PREPL: variants seen among roughly 807,000 people sequenced by gnomAD.
The protein encoded by PREPL is prolyl endopeptidase-like.
A neutral mutation model predicts 70.6 loss-of-function variants in PREPL; 77 were observed. The observed-to-expected ratio is 1.09, with a 90% CI of 0.91 to 1.32. PREPL has a LOEUF of 1.32. PREPL is among the 40% of genes most tolerant of loss of function. PREPL has a pLI of 0.00. For missense variants in PREPL, 1,002 were observed against 778.2 expected (o/e 1.29, Z -3.42); for synonymous variants, 315 against 264.8 (o/e 1.19, Z -1.84).
intron 9 of PREPL, among the ~76,000 whole-genome samples, chr2:44,328,431 T>C (rs1284665579): frequency 1.7e-5 from 1 of 57,744 alleles, no homozygotes; most frequent in Non-Finnish European, 3.4e-5. Context: ...AGCAAAACTG[T>C]CTCAAACAAA....
rs1159855459 is a variant in PREPL, at chr2:44,318,880, A to T, written c.*2476T>A. The stretch of plus-strand genomic sequence containing the variant: ...ATTCCACCAAAAATCATGACTACGC[A>T]TCTAACAGCTTCAAAATATAGAAAA... On this transcript the variant is annotated 3_prime_UTR_variant, in exon 14 of 14. Transcript: ENST00000409411. 1 of 152,216 alleles carries T rather than the reference A, an allele frequency of 6.6e-6. No homozygotes were observed. The highest frequency in any genetic ancestry group is 1.5e-5 in the Non-Finnish European group (1 of 68,042). The allele number at this position is 152,216 out of a possible 1,614,324, so 9.4% of individuals were successfully genotyped here.
intron 1 of PREPL, among the ~76,000 whole-genome samples, chr2:44,356,755 C>G (rs1225081185): frequency 6.6e-6 from 1 of 152,066 alleles, no homozygotes; most frequent in African/African-American, 2.4e-5. Flanking sequence ...GGTATAGAAT[C>G]ATGAAATTTT....
chr2:44,328,942 A>G lies in PREPL; in HGVS notation c.1257T>C (p.His419=), dbSNP rs1217597575. The G allele has an allele frequency of 6.2e-7, 1 of 1,611,774 alleles. No homozygotes were observed. Among genetic ancestry groups the G allele is most frequent in the Non-Finnish European group, 8.5e-7 (1 of 1,179,234 alleles). ...VDDGWILAYC[H]VRGGGELGLQ... ...GGTAAAATATACTGACTCACCGAAC[A>G]TGGCAGTATGCTAATATCCATCCAT... The change falls in exon 9 of 14, where the codon CAT becomes CAC. Residue 419 remains histidine, a synonymous_variant. Transcript: ENST00000409411.
In PREPL at chr2:44,343,911, T is replaced by C; in HGVS notation, c.183A>G (p.Glu61=). 1 of 1,614,064 alleles carries C rather than the reference T, an allele frequency of 6.2e-7. No homozygotes were observed. The highest frequency in any genetic ancestry group is 1.1e-5 in the South Asian group (1 of 91,084). The change falls in exon 4 of 14, where the codon GAA becomes GAG. Residue 61 remains glutamate, a synonymous_variant. Transcript: ENST00000409411. ...CAATGAAGGGCTGGTCTAACTTAAG[T>C]TCCTCCAAATTGAATAAAACTTCAT... ...DNYEVLFNLE[E]LKLDQPFIDC...
chr2:44,323,866 G>T (rs535756269), intron 10 of PREPL, among the ~76,000 whole-genome samples: 1 of 152,254 alleles, frequency 6.6e-6, no homozygotes, highest in Admixed American at 6.5e-5. Context: ...AAACAGTATG[G>T]TGGTTCATCA....
chr2:44,342,385 G>T, intron 5 of PREPL, 32 bp downstream of exon 5: 1 of 1,558,138 alleles, frequency 6.4e-7, no homozygotes. Context: ...GAAGGTTCTG[G>T]AGAGAAAGAT....
chr2:44,322,603 C>G, intron 12 of PREPL, 128 bp downstream of exon 12: 2 of 1,281,702 alleles, frequency 1.6e-6, no homozygotes, highest in East Asian at 4.7e-5. Flanking sequence ...GTCAACATAG[C>G]AAAATAATTG....
chr2:44,352,216 C>T (rs556979301), intron 1 of PREPL, among the ~76,000 whole-genome samples: 4 of 152,236 alleles, frequency 2.6e-5, no homozygotes, highest in African/African-American at 7.2e-5. Flanking sequence ...TTTTCTTCTT[C>T]GCCATAACTA....
chr2:44,326,648 TTAGAG>T, intron 10 of PREPL, 59 bp downstream of exon 10: 1 of 1,527,806 alleles, frequency 6.5e-7, no homozygotes. Context: ...AACATTTTTC[TTAGAG>T]TAGCCTATGG....
chr2:44,360,045 C>CA, intron 1 of PREPL: 1 of 203,900 alleles, frequency 4.9e-6, no homozygotes. Flanking sequence ...TAAACTAAAA[C>CA]AAAAAACAAA....
At position 44,359,544 on chromosome 2, in the gene PREPL, T is replaced by C. The variant is rs1439540405; in HGVS notation, c.-49+1836A>G. On this transcript the variant is annotated intron_variant, in intron 1 of 13. Transcript: ENST00000409411. ...GGGATGTTTCTTGCTAACTCTGATA[T>C]CTTGGGTTTATTCTGAAGACACTTG... 6.2e-7 allele frequency: 1 copy of C among 1,613,600 alleles called. No individual in the cohort carries two copies. The highest frequency in any genetic ancestry group is 8.5e-7 in the Non-Finnish European group (1 of 1,179,530).
chr2:44,339,531 T>C (rs1051859205), intron 5 of PREPL, among the ~76,000 whole-genome samples, 168 bp from the exon 6 acceptor site: 2 of 152,234 alleles, frequency 1.3e-5, no homozygotes, highest in African/African-American at 4.8e-5. Flanking sequence ...AATTAGCTAT[T>C]ATTTTTCTCA....
chr2:44,341,476 T>C (rs1675213958), intron 5 of PREPL, among the ~76,000 whole-genome samples: 1 of 152,142 alleles, frequency 6.6e-6, no homozygotes, highest in African/African-American at 2.4e-5. Context: ...TTCAACACTT[T>C]CTTCGCTGTT....
chr2:44,352,566 G>T (rs1036221414), intron 1 of PREPL, among the ~76,000 whole-genome samples: 1 of 152,178 alleles, frequency 6.6e-6, no homozygotes, highest in Non-Finnish European at 1.5e-5. Flanking sequence ...CCTTGTTCAT[G>T]TAATTCTTTA....
intron 1 of PREPL, chr2:44,360,780 C>T (rs1281637336): frequency 6.6e-6 from 1 of 152,228 alleles, no homozygotes; most frequent in African/African-American, 2.4e-5. Flanking sequence ...ACATAGTGAC[C>T]ACTCAATAAA....
intron 7 of PREPL, among the ~76,000 whole-genome samples, chr2:44,335,279 G>A (rs1572872793): frequency 6.6e-6 from 1 of 152,088 alleles, no homozygotes; most frequent in Non-Finnish European, 1.5e-5. Flanking sequence ...AAATATAAAA[G>A]GTCATATTTA....
upstream of PREPL, chr2:44,361,503 G>C (rs568245503): frequency 6.5e-6 from 1 of 153,418 alleles, no homozygotes; most frequent in African/African-American, 2.4e-5. Context: ...GCGTTCCGCA[G>C]CCCACAGAAC....
Position 44,321,275 on chromosome 2 carries a change from ATT to A in PREPL, c.*79_*80del. 3 of 1,092,998 alleles carry A rather than the reference ATT, an allele frequency of 2.7e-6. No homozygotes were observed. Among genetic ancestry groups the A allele is most frequent in the Non-Finnish European group, 3.9e-6 (3 of 769,520 alleles). 67.7% of individuals were successfully genotyped at this position (1,092,998 alleles called of 1,614,324 possible). A position where few individuals can be genotyped will look rare whatever the true frequency, so the allele number is the denominator to read the frequency against. On this transcript the variant is annotated 3_prime_UTR_variant, in exon 14 of 14. Transcript: ENST00000409411. ...ATAACTTAAAAGTCTCAAGTTATTA[ATT>A]TTTTTTTTGCTAACTCAATTGGAAG...
intron 5 of PREPL, 70 bp from the exon 6 acceptor site, chr2:44,339,433 T>C (rs1279630973): frequency 1.3e-6 from 2 of 1,575,082 alleles, no homozygotes; most frequent in East Asian, 2.3e-5. Flanking sequence ...AAGGACAGTA[T>C]CTCAGAGGTG....
Sources: allele counts gnomAD v4.1 joint callset (sites outside exome capture counted in the v4.1 genomes callset), GRCh38; gene constraint gnomAD v4.1.1; transcripts MANE v1.5; gene names NCBI Gene and HGNC (gene_info 2026-07-23, HGNC 2026-07-21).